Variants in SPATA17 observed in about 807,000 individuals in gnomAD.
The protein encoded by SPATA17 is spermatogenesis associated 17.
Under a neutral mutation model 62.2 loss-of-function variants are expected in SPATA17, and 53 were observed. The ratio of observed to expected loss-of-function variants is 0.85; its 90% confidence interval spans 0.68 to 1.07. The LOEUF (loss-of-function observed/expected upper bound fraction) is 1.07, where lower values mean the gene tolerates loss of function less well. Among genes scored for constraint, SPATA17 ranks in the 50% least tolerant of loss-of-function variants. The probability of loss-of-function intolerance (pLI) is 0.00; values close to 1 mark genes in which losing one functional copy is unlikely to be tolerated. For synonymous variants in SPATA17, 146 were observed against 146.8 expected, an observed-to-expected ratio of 0.99 and a Z score of 0.04; for missense variants, 466 against 425.5, an observed-to-expected ratio of 1.10 and a Z score of -0.84.
intron 9 of SPATA17, among the ~76,000 whole-genome samples, chr1:217,816,114 A>G (rs973525480): frequency 3.9e-5 from 6 of 152,054 alleles, no homozygotes; most frequent in Non-Finnish European, 8.8e-5. Flanking sequence ...TTCAACTGAA[A>G]TTTTATTTGC....
chr1:217,793,884 G>A (rs1394251985), intron 8 of SPATA17, among the ~76,000 whole-genome samples: 1 of 151,950 alleles, frequency 6.6e-6, no homozygotes, highest in East Asian at 2.0e-4. Context: ...GGAAGGCCGC[G>A]GTTGGCAGAT....
intron 9 of SPATA17, among the ~76,000 whole-genome samples, chr1:217,849,696 C>G (rs1450148080): frequency 6.6e-6 from 1 of 151,996 alleles, no homozygotes; most frequent in Non-Finnish European, 1.5e-5. Context: ...TGCTGTTCAC[C>G]CATCCACCCA....
intron 7 of SPATA17, among the ~76,000 whole-genome samples, chr1:217,781,679 C>G (rs1397264311): frequency 6.6e-6 from 1 of 152,022 alleles, no homozygotes. Context: ...GTTTAGGAGG[C>G]TGCCTATTAA....
intron 9 of SPATA17, among the ~76,000 whole-genome samples, chr1:217,807,066 T>C (rs1032073227): frequency 5.9e-5 from 9 of 152,192 alleles, no homozygotes; most frequent in African/African-American, 2.2e-4. Flanking sequence ...CATGGAATAC[T>C]ATACAGCCAT....
chr1:217,731,738 A>G (rs1672405978), intron 5 of SPATA17, among the ~76,000 whole-genome samples: 1 of 152,182 alleles, frequency 6.6e-6, no homozygotes, highest in Admixed American at 6.5e-5. Context: ...GCAAACCCAA[A>G]ATGAACACTT....
chr1:217,786,873 C>T (rs1673885684), intron 8 of SPATA17, among the ~76,000 whole-genome samples: 1 of 149,996 alleles, frequency 6.7e-6, no homozygotes, highest in Non-Finnish European at 1.5e-5. Flanking sequence ...CACCTCTATG[C>T]CAATGATTTC....
At chr1:217,718,855 A>G (rs545511654) in intron 5 of SPATA17, among the ~76,000 whole-genome samples, 4 of 152,190 alleles carry the variant, frequency 2.6e-5, no homozygotes, top group African/African-American at 9.7e-5. Flanking sequence ...ACAAACAAAC[A>G]AACAAACAAA....
intron 9 of SPATA17, among the ~76,000 whole-genome samples, chr1:217,822,369 G>GT (rs1367916295): frequency 3.0e-5 from 4 of 133,072 alleles, no homozygotes; most frequent in Non-Finnish European, 6.8e-5. Context: ...TAAAAGACAT[G>GT]TTTTTTTATA....
At chr1:217,720,744 A>C (rs1303488259) in intron 5 of SPATA17, among the ~76,000 whole-genome samples, 1 of 152,248 alleles carries the variant, frequency 6.6e-6, no homozygotes, top group African/African-American at 2.4e-5. Context: ...TCTAGAGAAT[A>C]CAGAAATAGT....
At chr1:217,648,713 C>A (rs974703060) in intron 1 of SPATA17, among the ~76,000 whole-genome samples, 169 bp from the exon 2 acceptor site, 3 of 152,086 alleles carry the variant, frequency 2.0e-5, no homozygotes, top group African/African-American at 7.2e-5. Flanking sequence ...CAAAACATAG[C>A]TCATGATTTT....
chr1:217,850,019 T>C (rs1025947197), intron 9 of SPATA17, among the ~76,000 whole-genome samples: 14 of 152,112 alleles, frequency 9.2e-5, no homozygotes, highest in Non-Finnish European at 1.8e-4. Flanking sequence ...GTCGCTGCTG[T>C]CTGCTGGTTT....
At chr1:217,749,985 C>CTCTCTCTCTCTCTATATA in intron 6 of SPATA17, among the ~76,000 whole-genome samples, 7 of 12,308 alleles carry the variant, frequency 5.7e-4, no homozygotes, top group Non-Finnish European at 9.5e-4. Context: ...CTCTCTCTCT[C>CTCTCTCTCTCTCTATATA]TATATATATA....
At chr1:217,633,074 T>C (rs954597845) in intron 1 of SPATA17, among the ~76,000 whole-genome samples, 1 of 152,120 alleles carries the variant, frequency 6.6e-6, no homozygotes, top group African/African-American at 2.4e-5. Flanking sequence ...GGTGCACGCC[T>C]GTAGTCCCAG....
chr1:217,757,736 G>GA (rs767191131), intron 6 of SPATA17, among the ~76,000 whole-genome samples: 2 of 151,974 alleles, frequency 1.3e-5, no homozygotes, highest in Non-Finnish European at 2.9e-5. Context: ...ATACAGAAGA[G>GA]AAAAAAATAA....
rs538363765 is a variant in SPATA17, at chr1:217,811,635, G to A, written c.1005+9785G>A. ...TTGAACTTGGGCGGCGGAGGTTGGAGTGAACAGAAATTGTGCCATTGCACT... is the reference window on the plus strand; with the variant it reads ...TTGAACTTGGGCGGCGGAGGTTGGAATGAACAGAAATTGTGCCATTGCACT... On this transcript the variant is annotated intron_variant, in intron 9 of 10. Coordinates refer to ENST00000366933, the MANE Select transcript of SPATA17 (RefSeq NM_138796.4). Among the ~76,000 whole-genome samples, 3 of 151,060 alleles carry A rather than the reference G, an allele frequency of 2.0e-5. No individual in the cohort carries two copies. In the South Asian group the frequency reaches 6.3e-4, roughly 32 times the overall value.
intron 5 of SPATA17, among the ~76,000 whole-genome samples, chr1:217,694,607 G>A (rs1043266588): frequency 3.4e-5 from 5 of 147,704 alleles, no homozygotes; most frequent in African/African-American, 1.2e-4. Context: ...TTACATTTTG[G>A]CATGATTTTG....
At chr1:217,796,731 TATC>T (rs1398122196) in intron 8 of SPATA17, among the ~76,000 whole-genome samples, 1 of 152,210 alleles carries the variant, frequency 6.6e-6, no homozygotes, top group African/African-American at 2.4e-5. Flanking sequence ...ATTTTATTAA[TATC>T]TCTTCAACAA....
intron 6 of SPATA17, among the ~76,000 whole-genome samples, chr1:217,759,045 C>A (rs940718934): frequency 6.6e-6 from 1 of 152,126 alleles, no homozygotes; most frequent in Non-Finnish European, 1.5e-5. Context: ...TATCCAGGAA[C>A]ATGCAGTAAA....
intron 5 of SPATA17, among the ~76,000 whole-genome samples, chr1:217,698,639 A>G (rs1329734337): frequency 6.6e-6 from 1 of 151,890 alleles, no homozygotes; most frequent in Admixed American, 6.6e-5. Flanking sequence ...TTGCAGAACT[A>G]GAGTACAATA....
Sources: allele counts gnomAD v4.1 joint callset (sites outside exome capture counted in the v4.1 genomes callset), GRCh38; gene constraint gnomAD v4.1.1; transcripts MANE v1.5; gene names NCBI Gene and HGNC (gene_info 2026-07-23, HGNC 2026-07-21).